The following CTF1 variants were observed in gnomAD, a reference collection of about 807,000 sequenced individuals.
CTF1 encodes the protein cardiotrophin-1.
A neutral mutation model predicts 10.9 loss-of-function variants in CTF1; 9 were observed. That is an observed-to-expected ratio of 0.83 (90% CI 0.50 to 1.44). The LOEUF (loss-of-function observed/expected upper bound fraction) is 1.44, where lower values mean the gene tolerates loss of function less well. Among genes scored for constraint, CTF1 ranks in the 40% most tolerant of loss-of-function variants. The pLI is 0.00. For missense variants in CTF1, 259 were observed against 275.3 expected, an observed-to-expected ratio of 0.94 and a Z score of 0.42; for synonymous variants, 133 against 138.8, an observed-to-expected ratio of 0.96 and a Z score of 0.29.
Position 30,899,481 on chromosome 16 carries a change from A to G in CTF1, c.92A>G (p.His31Arg). 1.2e-6 allele frequency: 2 copies of G among 1,604,816 alleles called. No homozygotes were observed. Among genetic ancestry groups the G allele is most frequent in the Non-Finnish European group, 1.7e-6 (2 of 1,175,138 alleles). The change falls in exon 2 of 3, where the codon CAC becomes CGC. Residue 31 changes from histidine to arginine, a missense_variant. Physicochemically the swap from His to Arg is conservative, Grantham distance 29. Coordinates refer to ENST00000279804, the MANE Select transcript of CTF1 (RefSeq NM_001330.5). ...TTGGAGGCCAAGATCCGTCAGACAC[A>G]CAGCCTTGCGCACCTCCTCACCAAA... ...PHLEAKIRQT[H>R]SLAHLLTKYA...
chr16:30,899,081 G>C (rs1169770029), intron 1 of CTF1, among the ~76,000 whole-genome samples: 1 of 152,064 alleles, frequency 6.6e-6, no homozygotes, highest in East Asian at 1.9e-4. Flanking sequence ...GCGTGTAGCA[G>C]GCTGTACCAC....
Position 30,902,065 on chromosome 16 carries a change from C to A in CTF1, c.145-13C>A. On this transcript the variant is annotated splice_polypyrimidine_tract_variant and intron_variant, in intron 2 of 2. Coordinates refer to ENST00000279804, the MANE Select transcript of CTF1 (RefSeq NM_001330.5). ...TCCGGGGCCCCGCTGACCCGCCGGC[C>A]GTGTCTCCGCAGGTGCAGCTCCAGG... is the stretch of plus-strand genomic sequence containing the variant. 1 of 1,448,618 alleles carries A rather than the reference C, an allele frequency of 6.9e-7. No homozygotes were observed. Among genetic ancestry groups the A allele is most frequent in the African/African-American group, 1.5e-5 (1 of 68,166 alleles). The allele number at this position is 1,448,618 out of a possible 1,614,324, so 89.7% of individuals were successfully genotyped here. A position where few individuals can be genotyped will look rare whatever the true frequency, so the allele number is the denominator to read the frequency against.
At chr16:30,895,858 G>C (rs936943027), upstream of CTF1, among the ~76,000 whole-genome samples, 3 of 151,944 alleles carry the variant, frequency 2.0e-5, no homozygotes, top group African/African-American at 7.3e-5. Context: ...ACACACACAC[G>C]GGCCTCCTCG....
In CTF1 at chr16:30,902,553, G is replaced by A. The variant is rs370908045; in HGVS notation, c.*14G>A. On this transcript the variant is annotated 3_prime_UTR_variant, in exon 3 of 3. Transcript: ENST00000279804. The stretch of plus-strand genomic sequence containing the variant: ...GGCTCGGCCTGAGCGCCGCGGGGCA[G>A]CTCGCCCCGCCTCCTCCCGCTGGGT... 20 of 1,494,464 alleles carry A rather than the reference G, an allele frequency of 1.3e-5. No individual in the cohort carries two copies. Among genetic ancestry groups the A allele is most frequent in the African/African-American group, 7.2e-5 (5 of 69,240 alleles). The allele number at this position is 1,494,464 out of a possible 1,614,324, so 92.6% of individuals were successfully genotyped here.
rs2055361733 is a variant in CTF1, at chr16:30,897,316, G to C, written c.25+648G>C. ...GGGAGAGAAATGGAAATGGAAGTCA[G>C]TCTCCCTATCTGTAAAATGGGCCTT... On this transcript the variant is annotated intron_variant, in intron 1 of 2. Transcript: ENST00000279804. 3.3e-5 allele frequency among the ~76,000 whole-genome samples: 5 copies of C among 152,310 alleles called. No individual in the cohort carries two copies. The South Asian group carries it at 1.0e-3, about 32-fold the overall frequency.
Position 30,899,949 on chromosome 16 carries a change from TG to T in CTF1, c.144+417del, listed in dbSNP as rs560567005. 8.3e-4 allele frequency among the ~76,000 whole-genome samples: 126 copies of T among 152,220 alleles called. 1 individual carries two copies. Among genetic ancestry groups the T allele is most frequent in the African/African-American group, 3.0e-3 (124 of 41,532 alleles). ...TCATTATTTTGTAGAGGCAGGGTCTTGCTGTATTGCCCAGGCTGGTCTTGAA... is the reference window on the plus strand; with the variant it reads ...TCATTATTTTGTAGAGGCAGGGTCTTCTGTATTGCCCAGGCTGGTCTTGAA... On this transcript the variant is annotated intron_variant, in intron 2 of 2. Coordinates refer to ENST00000279804, the MANE Select transcript of CTF1 (RefSeq NM_001330.5).
chr16:30,902,616 C>T lies in CTF1; in HGVS notation c.*77C>T, dbSNP rs1437489053. 3.6e-6 allele frequency: 5 copies of T among 1,404,262 alleles called. No homozygotes were observed. Among genetic ancestry groups the T allele is most frequent in the Non-Finnish European group, 4.7e-6 (5 of 1,073,526 alleles). 87.0% of individuals were successfully genotyped at this position (1,404,262 alleles called of 1,614,324 possible). On this transcript the variant is annotated 3_prime_UTR_variant, in exon 3 of 3. Transcript: ENST00000279804. Reference sequence around the variant, plus strand: ...TCCGCTTCTTTGTCTTTCTCTGCCGCTGTCGGTGTCTGTCTGTCTGCTCTT... The same window carrying T: ...TCCGCTTCTTTGTCTTTCTCTGCCGTTGTCGGTGTCTGTCTGTCTGCTCTT...
In CTF1 at chr16:30,902,081, C is replaced by G. The variant is rs2055405073; in HGVS notation, c.148C>G (p.Gln50Glu). ...YAEQLLQEYV[Q>E]LQGDPFGLPS... ...CCCGCCGGCCGTGTCTCCGCAGGTGCAGCTCCAGGGAGACCCCTTCGGGCT... is the reference window on the plus strand; with the variant it reads ...CCCGCCGGCCGTGTCTCCGCAGGTGGAGCTCCAGGGAGACCCCTTCGGGCT... The change falls in exon 3 of 3, where the codon CAG (glutamine) becomes GAG (glutamate). Residue 50 changes from glutamine (Q) to glutamate (E), a missense_variant. Coordinates refer to ENST00000279804, the MANE Select transcript of CTF1 (RefSeq NM_001330.5). The G allele has an allele frequency of 1.4e-6, 2 of 1,450,784 alleles. No homozygotes were observed. The highest frequency in any genetic ancestry group is 1.3e-5 in the South Asian group (1 of 75,986). 89.9% of individuals were successfully genotyped at this position (1,450,784 alleles called of 1,614,324 possible).
At position 30,903,007 on chromosome 16, in the gene CTF1, C is replaced by T. The variant is rs1262512996; in HGVS notation, c.*468C>T. On this transcript the variant is annotated 3_prime_UTR_variant, in exon 3 of 3. Transcript: ENST00000279804. ...TGCTTTGCCTGCCCCGTTCTCTTAA[C>T]TCTTGGACCCTCCTCGTCTGCATGG... The T allele has an allele frequency of 2.0e-5, 3 of 153,722 alleles. No individual in the cohort carries two copies. Among genetic ancestry groups the T allele is most frequent in the African/African-American group, 7.2e-5 (3 of 41,464 alleles). 9.5% of individuals were successfully genotyped at this position (153,722 alleles called of 1,614,324 possible). A position where few individuals can be genotyped will look rare whatever the true frequency, so the allele number is the denominator to read the frequency against.
In CTF1 at chr16:30,899,399, C is replaced by A; in HGVS notation, c.26-16C>A. 2 of 1,531,792 alleles carry A rather than the reference C, an allele frequency of 1.3e-6. No homozygotes were observed. The highest frequency in any genetic ancestry group is 1.8e-6 in the Non-Finnish European group (2 of 1,105,032). The allele number at this position is 1,531,792 out of a possible 1,614,324, so 94.9% of individuals were successfully genotyped here. On this transcript the variant is annotated splice_polypyrimidine_tract_variant and intron_variant, in intron 1 of 2. Transcript: ENST00000279804. The stretch of plus-strand genomic sequence containing the variant: ...AGGAGGTTGGCCATCCTCATTCCTC[C>A]CCCCTTTCCCACCAGAAGACCCCCA...
intron 2 of CTF1, among the ~76,000 whole-genome samples, chr16:30,901,113 G>A (rs1442401365): frequency 6.6e-6 from 1 of 152,144 alleles, no homozygotes; most frequent in Non-Finnish European, 1.5e-5. Flanking sequence ...GGTGGGTCTT[G>A]AACTCCTGAC....
upstream of CTF1, among the ~76,000 whole-genome samples, chr16:30,895,944 A>G (rs1186849343): frequency 6.6e-6 from 1 of 151,896 alleles, no homozygotes; most frequent in Non-Finnish European, 1.5e-5. Flanking sequence ...CGCGGGGGCC[A>G]GAAACCAAGT....
chr16:30,896,528 A>G, upstream of CTF1: 1 of 951,548 alleles, frequency 1.1e-6, no homozygotes, highest in Non-Finnish European at 1.4e-6. Flanking sequence ...GGTAGGATGA[A>G]ATGTTTGGGG....
At chr16:30,896,181 G>C (rs950637829), upstream of CTF1, among the ~76,000 whole-genome samples, 20 of 152,126 alleles carry the variant, frequency 1.3e-4, no homozygotes, top group African/African-American at 4.6e-4. Flanking sequence ...GGAGATGTAT[G>C]TCTGGACAAA....
intron 1 of CTF1, among the ~76,000 whole-genome samples, chr16:30,898,764 T>C (rs1482475599): frequency 6.6e-6 from 1 of 152,062 alleles, no homozygotes; most frequent in Non-Finnish European, 1.5e-5. Flanking sequence ...GTTCAAGTGA[T>C]CCTCTCATCT....
At chr16:30,896,456 C>T (rs2055349620), upstream of CTF1, among the ~76,000 whole-genome samples, 1 of 152,238 alleles carries the variant, frequency 6.6e-6, no homozygotes, top group African/African-American at 2.4e-5. Context: ...GCCCCTTCCC[C>T]CACTAGGCCC....
chr16:30,899,453 C>T lies in CTF1; in HGVS notation c.64C>T (p.His22Tyr). 2 of 1,613,830 alleles carry T rather than the reference C, an allele frequency of 1.2e-6. No individual in the cohort carries two copies. Among genetic ancestry groups the T allele is most frequent in the Middle Eastern group, 1.6e-4 (1 of 6,062 alleles). ...QTDSSVSLLP[H>Y]LEAKIRQTHS... ...TGATTCCTCAGTCTCACTTCTTCCC[C>T]ACTTGGAGGCCAAGATCCGTCAGAC... The change falls in exon 2 of 3, where the codon CAC becomes TAC. Residue 22 changes from histidine to tyrosine, a missense_variant. Physicochemically the swap from His to Tyr is moderately conservative, Grantham distance 83. Coordinates refer to ENST00000279804, the MANE Select transcript of CTF1 (RefSeq NM_001330.5).
intron 1 of CTF1, among the ~76,000 whole-genome samples, chr16:30,897,348 A>G (rs534117009): frequency 6.6e-6 from 1 of 152,302 alleles, no homozygotes; most frequent in South Asian, 2.1e-4. Context: ...CCTTCAAGGC[A>G]CATTTTGATA....
chr16:30,902,615 G>C lies in CTF1; in HGVS notation c.*76G>C. On this transcript the variant is annotated 3_prime_UTR_variant, in exon 3 of 3. Transcript: ENST00000279804. ...TTCCGCTTCTTTGTCTTTCTCTGCC[G>C]CTGTCGGTGTCTGTCTGTCTGCTCT... is the stretch of plus-strand genomic sequence containing the variant. 7.1e-7 allele frequency: 1 copy of C among 1,410,778 alleles called. No individual in the cohort carries two copies. Among genetic ancestry groups the C allele is most frequent in the Non-Finnish European group, 9.3e-7 (1 of 1,077,106 alleles). 87.4% of individuals were successfully genotyped at this position (1,410,778 alleles called of 1,614,324 possible).
Sources: allele counts gnomAD v4.1 joint callset (sites outside exome capture counted in the v4.1 genomes callset), GRCh38; gene constraint gnomAD v4.1.1; transcripts MANE v1.5; gene names NCBI Gene and HGNC (gene_info 2026-07-23, HGNC 2026-07-21).